Variants in CHN2 observed in about 807,000 individuals in gnomAD.
CHN2 encodes beta-chimaerin.
Under a neutral mutation model 56.3 loss-of-function variants are expected in CHN2, and 35 were observed. The ratio of observed to expected loss-of-function variants is 0.62; its 90% CI spans 0.47 to 0.82. The LOEUF is 0.82. Among genes scored for constraint, CHN2 ranks in the 40% least tolerant of loss-of-function variants. The pLI is 0.00. For missense variants in CHN2, 491 were observed against 580.5 expected (o/e 0.85, Z 1.58); for synonymous variants, 210 against 212.8 (o/e 0.99, Z 0.12).
chr7:29,210,436 C>T (rs1306863077), intron 1 of CHN2, among the ~76,000 whole-genome samples: 1 of 147,784 alleles, frequency 6.8e-6, no homozygotes, highest in Non-Finnish European at 1.5e-5. Flanking sequence ...ACCCCACACA[C>T]ACACCGTGCA....
Position 29,218,351 on chromosome 7 carries a change from G to A in CHN2, c.49+23361G>A, listed in dbSNP as rs116949072. On this transcript the variant is annotated intron_variant, in intron 1 of 12. Transcript: ENST00000222792. ...AAGGTTATATCCTAGTAAGATAAGC[G>A]TTTGGACTGTAAACTAGTTCAATCA... 1.3e-3 allele frequency among the ~76,000 whole-genome samples: 195 copies of A among 152,242 alleles called. 1 individual carries two copies. In the East Asian group the frequency reaches 0.03, roughly 23 times the overall value.
intron 1 of CHN2, among the ~76,000 whole-genome samples, chr7:29,258,631 T>C (rs1000063035): frequency 6.6e-5 from 10 of 152,210 alleles, no homozygotes; most frequent in African/African-American, 1.9e-4. Flanking sequence ...GAAGTGTTTT[T>C]ATTCTTTTGA....
chr7:29,353,241 C>T (rs1033564296), intron 1 of CHN2, among the ~76,000 whole-genome samples: 2 of 152,166 alleles, frequency 1.3e-5, no homozygotes, highest in South Asian at 4.1e-4. Context: ...TTAAGCTGCA[C>T]AAGTGAGTAT....
chr7:29,461,326 G>A (rs1785147881), intron 6 of CHN2, among the ~76,000 whole-genome samples: 1 of 152,204 alleles, frequency 6.6e-6, no homozygotes, highest in South Asian at 2.1e-4. Context: ...GGGAGACCCA[G>A]GGGAGGATGG....
chr7:29,185,305 T>A (rs1798573153), intron 2 of CHN2, among the ~76,000 whole-genome samples: 1 of 152,230 alleles, frequency 6.6e-6, no homozygotes, highest in Non-Finnish European at 1.5e-5. Flanking sequence ...TTGAGAAGTG[T>A]CTTTTAAAGA....
chr7:29,157,753 A>G (rs1406767823), intron 2 of CHN2, among the ~76,000 whole-genome samples: 1 of 152,212 alleles, frequency 6.6e-6, no homozygotes, highest in South Asian at 2.1e-4. Flanking sequence ...CAATAACACT[A>G]AACTCATTTT....
intron 6 of CHN2, among the ~76,000 whole-genome samples, chr7:29,432,842 A>G (rs1156737812): frequency 1.3e-5 from 2 of 152,104 alleles, no homozygotes; most frequent in African/African-American, 2.4e-5. Context: ...GAATATAATT[A>G]TGTTTTTCTC....
intron 2 of CHN2, among the ~76,000 whole-genome samples, chr7:29,357,635 T>G (rs915314182): frequency 6.6e-6 from 1 of 152,076 alleles, no homozygotes; most frequent in Non-Finnish European, 1.5e-5. Context: ...AAAATGCAAA[T>G]GAATTCTGGT....
rs528949642 is a variant in CHN2 at position 29,390,719 on chromosome 7, G to A, written c.145-2960G>A. ...TTAATTAAATTCAGTTTCACAGGTG[G>A]GTCCTGGTTTCCACTGATGGCCAAC... On this transcript the variant is annotated intron_variant, in intron 3 of 12. Transcript: ENST00000222792. Among the ~76,000 whole-genome samples the A allele has an allele frequency of 3.3e-5, 5 of 152,238 alleles. No individual in the cohort carries two copies. The South Asian group carries it at 6.2e-4, about 19-fold the overall frequency.
intron 2 of CHN2, among the ~76,000 whole-genome samples, chr7:29,151,097 CA>C (rs1206812859): frequency 6.6e-6 from 1 of 152,178 alleles, no homozygotes; most frequent in East Asian, 1.9e-4. Context: ...ATGCCCTGAT[CA>C]ACTTATTGAA....
At chr7:29,268,380 A>G (rs550960227) in intron 1 of CHN2, among the ~76,000 whole-genome samples, 3 of 151,588 alleles carry the variant, frequency 2.0e-5, no homozygotes, top group African/African-American at 7.3e-5. Flanking sequence ...AGGATTGGCT[A>G]GAGTTTTTTT....
chr7:29,414,692 G>A lies in CHN2; in HGVS notation c.576+13864G>A, dbSNP rs117686825. Among the ~76,000 whole-genome samples the A allele has an allele frequency of 4.8e-3, 735 of 152,154 alleles. 5 individuals carry two copies. Among genetic ancestry groups the A allele is most frequent in the Non-Finnish European group, 8.0e-3 (541 of 68,000 alleles). ...CCCCCAACACACGCATGCACACGTC[G>A]CTTCACCTCAGCTGCTCCCTCTCCC... On this transcript the variant is annotated intron_variant, in intron 6 of 12. Coordinates refer to ENST00000222792, the MANE Select transcript of CHN2 (RefSeq NM_004067.4).
At chr7:29,486,481 T>G (rs1431973086) in intron 7 of CHN2, among the ~76,000 whole-genome samples, 1 of 152,170 alleles carries the variant, frequency 6.6e-6, no homozygotes, top group African/African-American at 2.4e-5. Flanking sequence ...AATCCCCATT[T>G]GCCAGGGATG....
chr7:29,510,902 T>C (rs1403575701), intron 12 of CHN2, among the ~76,000 whole-genome samples: 1 of 152,078 alleles, frequency 6.6e-6, no homozygotes, highest in Non-Finnish European at 1.5e-5. Context: ...CGTCTGGATG[T>C]TTATGGGACA....
intron 1 of CHN2, among the ~76,000 whole-genome samples, chr7:29,263,409 C>A (rs1218375317): frequency 6.6e-6 from 1 of 152,216 alleles, no homozygotes; most frequent in Non-Finnish European, 1.5e-5. Context: ...CTGCCTTGGC[C>A]TCCCAAGGTG....
chr7:29,415,108 G>A (rs925131181), intron 6 of CHN2, among the ~76,000 whole-genome samples: 3 of 152,146 alleles, frequency 2.0e-5, no homozygotes, highest in Non-Finnish European at 2.9e-5. Flanking sequence ...TGTGAAACAC[G>A]GTGCTGCCAA....
chr7:29,395,338 C>T (rs1801661793), intron 4 of CHN2, among the ~76,000 whole-genome samples: 1 of 152,124 alleles, frequency 6.6e-6, no homozygotes, highest in South Asian at 2.1e-4. Context: ...GCCTGAGCAA[C>T]ATGGGAAGAC....
At chr7:29,411,228 C>A (rs571916484) in intron 6 of CHN2, among the ~76,000 whole-genome samples, 2 of 152,244 alleles carry the variant, frequency 1.3e-5, no homozygotes, top group South Asian at 4.1e-4. Context: ...TTCTCTTCTC[C>A]GTACAGAGGA....
intron 1 of CHN2, among the ~76,000 whole-genome samples, chr7:29,308,089 TG>T (rs1794307640): frequency 1.3e-5 from 2 of 152,216 alleles, no homozygotes; most frequent in African/African-American, 4.8e-5. Flanking sequence ...TCAAAGGAGT[TG>T]GAAAAGTATG....
Sources: allele counts gnomAD v4.1 joint callset (sites outside exome capture counted in the v4.1 genomes callset), GRCh38; gene constraint gnomAD v4.1.1; transcripts MANE v1.5; gene names NCBI Gene and HGNC (gene_info 2026-07-23, HGNC 2026-07-21).